Variants in SASH1 observed in about 807,000 individuals in gnomAD.
SASH1 encodes the protein SAM and SH3 domain containing 1.
Under a neutral mutation model 125.2 loss-of-function variants are expected in SASH1, and 44 were observed. That is an observed-to-expected ratio of 0.35 (90% CI 0.28 to 0.45). The LOEUF (loss-of-function observed/expected upper bound fraction) is 0.45. Among genes scored for constraint, SASH1 ranks in the 20% least tolerant of loss-of-function variants. The probability of loss-of-function intolerance (pLI) is 1.00; values close to 1 mark genes in which losing one functional copy is unlikely to be tolerated. For missense variants in SASH1, 1,426 were observed against 1,614.5 expected, an observed-to-expected ratio of 0.88 and a Z score of 2.00; for synonymous variants, 639 against 649.1, an observed-to-expected ratio of 0.98 and a Z score of 0.24.
intron 8 of SASH1, chr6:148,512,857 G>C: frequency 1.0e-6 from 1 of 985,238 alleles, no homozygotes; most frequent in Non-Finnish European, 1.2e-6. Flanking sequence ...CTGATGACTT[G>C]CTGATGTTAG....
intron 1 of SASH1, among the ~76,000 whole-genome samples, chr6:148,380,561 T>A (rs1783090754): frequency 6.6e-6 from 1 of 152,244 alleles, no homozygotes; most frequent in Non-Finnish European, 1.5e-5. Context: ...GTGATTCTGT[T>A]AAGCTCAGGG....
At chr6:148,395,780 A>G (rs1783925153) in intron 2 of SASH1, among the ~76,000 whole-genome samples, 1 of 152,154 alleles carries the variant, frequency 6.6e-6, no homozygotes, top group African/African-American at 2.4e-5. Flanking sequence ...CAGAAATGCT[A>G]GTGGCTTTCC....
intron 9 of SASH1, among the ~76,000 whole-genome samples, chr6:148,516,156 C>T (rs1780423320): frequency 6.6e-6 from 1 of 152,224 alleles, no homozygotes; most frequent in South Asian, 2.1e-4. Flanking sequence ...TGGCTCTGAA[C>T]TTTAATTTAT....
In SASH1 at chr6:148,532,932, C is replaced by T. The variant is rs779860642; in HGVS notation, c.1700C>T (p.Pro567Leu). The T allele has an allele frequency of 6.2e-7, 1 of 1,614,084 alleles. No homozygotes were observed. The highest frequency in any genetic ancestry group is 1.3e-5 in the African/African-American group (1 of 74,926). The stretch of plus-strand genomic sequence containing the variant: ...GCCAGGGTGCACACCGACTTCACCC[C>T]CAGTCCCTATGACACAGACTCACTC... ...GRARVHTDFTPSPYDTDSLKL... is the reference protein window; with the variant it reads ...GRARVHTDFTLSPYDTDSLKL... Residue 567 changes from proline to leucine, a missense_variant, in exon 14 of 20, where the codon CCC becomes CTC. By Grantham distance (98) the Pro-to-Leu change is moderately conservative. Coordinates refer to ENST00000367467, the MANE Select transcript of SASH1 (RefSeq NM_015278.5). This position sits in a 1 kb window ranked among gnomAD's most constrained non-coding sequence, Gnocchi z 4.7.
chr6:148,203,627 A>C, the SASH1 span, among the ~76,000 whole-genome samples: 1 of 152,218 alleles, frequency 6.6e-6, no homozygotes, highest in Admixed American at 6.5e-5. Context: ...GTCCATGTGA[A>C]AATATGTGTG....
At position 148,409,485 on chromosome 6, in the gene SASH1, C is replaced by T. The variant is rs1352558163; in HGVS notation, c.285+19223C>T. Among the ~76,000 whole-genome samples, 16 of 152,212 alleles carry T rather than the reference C, an allele frequency of 1.1e-4. 1 individual carries two copies. On this transcript the variant is annotated intron_variant, in intron 2 of 19. Transcript: ENST00000367467. ...GCAAGAGAGGAGAGGCTGTCTTCTA[C>T]CAGTACCACCTCAGGGCTATGTAAG...
At position 148,288,123 on chromosome 6, in the gene SASH1, G is replaced by A. The variant is rs1402326489; in HGVS notation, n.74+15746G>A. ...AAGCTATGGCTGTCGGCTTTTGCAA[G>A]AACAAGCACCAAGCTGAAAACCCGC... On this transcript the variant is annotated intron_variant and non_coding_transcript_variant, in intron 1 of 3. Coordinates refer to the SASH1 transcript ENST00000367469. 3.3e-5 allele frequency among the ~76,000 whole-genome samples: 5 copies of A among 152,290 alleles called. No homozygotes were observed. The East Asian group carries it at 9.6e-4, about 29-fold the overall frequency.
intron 5 of SASH1, among the ~76,000 whole-genome samples, chr6:148,470,482 G>T (rs74904860): frequency 0.067 from 10,256 of 152,260 alleles, 444 homozygotes; most frequent in Non-Finnish European, 0.097. Context: ...ACATCAGCAC[G>T]ATGGCAGACA....
chr6:148,312,113 A>T (rs949207861), intron 1 of SASH1, among the ~76,000 whole-genome samples: 4 of 152,220 alleles, frequency 2.6e-5, no homozygotes, highest in Admixed American at 2.6e-4. Context: ...TAGAAATCAG[A>T]TCAGTGTTTT....
At chr6:148,423,449 A>G (rs1019660546) in intron 2 of SASH1, among the ~76,000 whole-genome samples, 6 of 152,244 alleles carry the variant, frequency 3.9e-5, no homozygotes, top group Non-Finnish European at 7.3e-5. Flanking sequence ...ATAGCACCAC[A>G]TGATTTTACA....
intron 8 of SASH1, among the ~76,000 whole-genome samples, chr6:148,488,036 C>T (rs1195681541): frequency 6.6e-6 from 1 of 151,814 alleles, no homozygotes; most frequent in East Asian, 1.9e-4. Flanking sequence ...AGTACATTCA[C>T]ATTGCTGTGC....
chr6:148,473,987 T>G (rs1778228720), intron 6 of SASH1, 123 bp from the exon 7 acceptor site: 4 of 650,736 alleles, frequency 6.1e-6, no homozygotes, highest in South Asian at 6.0e-5. Context: ...ATCAGTAACG[T>G]TCAACATACA....
In SASH1 at chr6:148,532,215, T is replaced by C. The variant is rs1781561002; in HGVS notation, c.1564+554T>C. The stretch of plus-strand genomic sequence containing the variant: ...GCCTCAGCCTTCCGCATAGCTGTAC[T>C]ACAGGGTCATGCCACCACACCCGGC... On this transcript the variant is annotated intron_variant, in intron 13 of 19. Coordinates refer to ENST00000367467, the MANE Select transcript of SASH1 (RefSeq NM_015278.5). This position sits in a 1 kb window ranked among gnomAD's most constrained non-coding sequence, Gnocchi z 4.7. Among the ~76,000 whole-genome samples, 1 of 152,102 alleles carries C rather than the reference T, an allele frequency of 6.6e-6. No individual in the cohort carries two copies. Among genetic ancestry groups the C allele is most frequent in the South Asian group, 2.1e-4 (1 of 4,814 alleles).
chr6:148,324,118 C>CAAAAACAAA (rs560486320), intron 1 of SASH1, among the ~76,000 whole-genome samples: 1 of 59,426 alleles, frequency 1.7e-5, no homozygotes, highest in Non-Finnish European at 2.8e-5. Context: ...GAATCTGTCT[C>CAAAAACAAA]AAAAAAAAAA....
the SASH1 span, among the ~76,000 whole-genome samples, chr6:148,242,851 C>A: frequency 3.0e-4 from 45 of 152,280 alleles, no homozygotes; most frequent in Non-Finnish European, 1.5e-4. Context: ...AAAATCATTT[C>A]TTCCTTAAGG....
At chr6:148,389,097 T>C (rs181367320) in intron 1 of SASH1, among the ~76,000 whole-genome samples, 99 of 152,308 alleles carry the variant, frequency 6.5e-4, no homozygotes, top group African/African-American at 2.3e-3. Context: ...AATCCATTGC[T>C]CTAAAGGAAG....
the SASH1 span, among the ~76,000 whole-genome samples, chr6:148,233,562 A>G: frequency 1.3e-5 from 2 of 152,000 alleles, no homozygotes; most frequent in Non-Finnish European, 2.9e-5. Flanking sequence ...GAGAAGAGAT[A>G]ATTAAAGACA....
intron 2 of SASH1, among the ~76,000 whole-genome samples, chr6:148,399,108 CTGTT>C (rs71793722): frequency 0.087 from 13,194 of 151,792 alleles, 803 homozygotes; most frequent in South Asian, 0.21. Context: ...CCTTTGCAGA[CTGTT>C]TGTGCACTTG....
chr6:148,444,887 T>C (rs1376920423), intron 4 of SASH1, among the ~76,000 whole-genome samples: 1 of 152,102 alleles, frequency 6.6e-6, no homozygotes, highest in Non-Finnish European at 1.5e-5. Flanking sequence ...AGACTTACAG[T>C]TGATTTTTGA....
Sources: gnomAD v4.1 joint callset for allele counts (sites outside exome capture counted in the v4.1 genomes callset) on GRCh38, gnomAD v4.1.1 for gene constraint, Gnocchi (gnomAD v3.1) non-coding constraint, MANE v1.5 for transcripts, NCBI Gene and HGNC (gene_info 2026-07-23, HGNC 2026-07-21) for gene names.